Variants in UBE2E2 observed in about 807,000 individuals in gnomAD.
UBE2E2 encodes the protein ubiquitin conjugating enzyme E2 E2.
UBE2E2 carries 6 observed loss-of-function variants against 24.7 expected under a neutral mutation model. The observed-to-expected ratio is 0.24, with a 90% CI of 0.13 to 0.48. The LOEUF is 0.48. Ranked by LOEUF, UBE2E2 falls within the 20% of genes least tolerant of loss-of-function variation. The pLI, the probability that UBE2E2 is intolerant of heterozygous loss-of-function variation, is 0.99. For missense variants in UBE2E2, 169 were observed against 245.0 expected (o/e 0.69, Z 2.07); for synonymous variants, 104 against 83.6 (o/e 1.24, Z -1.33).
At chr3:23,392,432 A>C (rs1310814047) in intron 3 of UBE2E2, among the ~76,000 whole-genome samples, 1 of 152,116 alleles carries the variant, frequency 6.6e-6, no homozygotes, top group Non-Finnish European at 1.5e-5. Context: ...TGGCTCTTCT[A>C]CTTACTAGCT....
At chr3:23,213,197 C>T (rs1696377504) in intron 2 of UBE2E2, among the ~76,000 whole-genome samples, 1 of 152,072 alleles carries the variant, frequency 6.6e-6, no homozygotes, top group Non-Finnish European at 1.5e-5. Context: ...ACTTGGCTCT[C>T]AGTAAATTTT....
chr3:23,508,360 A>G (rs73139768), intron 4 of UBE2E2, among the ~76,000 whole-genome samples: 6,132 of 152,308 alleles, frequency 0.04, 422 homozygotes, highest in African/African-American at 0.14. Context: ...TTGTAAGCCA[A>G]ATTAAATATG....
At chr3:23,470,539 T>G (rs151151734) in intron 3 of UBE2E2, among the ~76,000 whole-genome samples, 2,370 of 152,316 alleles carry the variant, frequency 0.016, 31 homozygotes, top group Non-Finnish European at 0.023. Context: ...TTAAAATATC[T>G]AAGACAAAGA....
chr3:23,435,359 G>A (rs1214805515), intron 3 of UBE2E2, among the ~76,000 whole-genome samples: 4 of 152,182 alleles, frequency 2.6e-5, no homozygotes, highest in Admixed American at 2.6e-4. Flanking sequence ...AGAATAAAAA[G>A]CTTGGAGATA....
intron 5 of UBE2E2, among the ~76,000 whole-genome samples, chr3:23,556,407 C>T (rs1391554619): frequency 7.6e-6 from 1 of 131,272 alleles, no homozygotes; most frequent in Non-Finnish European, 1.5e-5. Context: ...TCCCAAAGTG[C>T]TGGGATTACA....
intron 3 of UBE2E2, among the ~76,000 whole-genome samples, chr3:23,377,901 G>A (rs1696561826): frequency 6.6e-6 from 1 of 152,094 alleles, no homozygotes; most frequent in Non-Finnish European, 1.5e-5. Context: ...ATGTACATGT[G>A]TATTGCCAAA....
chr3:23,377,624 C>T (rs1327345236), intron 3 of UBE2E2, among the ~76,000 whole-genome samples: 2 of 152,108 alleles, frequency 1.3e-5, no homozygotes, highest in East Asian at 1.9e-4. Flanking sequence ...GATCTGGCAT[C>T]GAAAATGTAG....
At chr3:23,555,415 A>G (rs902039706) in intron 5 of UBE2E2, among the ~76,000 whole-genome samples, 2 of 152,168 alleles carry the variant, frequency 1.3e-5, no homozygotes, top group African/African-American at 4.8e-5. Flanking sequence ...AACCTCGTAT[A>G]CTCTTAGTGG....
chr3:23,559,897 A>C (rs1446825456), intron 5 of UBE2E2, among the ~76,000 whole-genome samples: 1 of 152,152 alleles, frequency 6.6e-6, no homozygotes, highest in Non-Finnish European at 1.5e-5. Context: ...CTCTGTAAGT[A>C]CATACTGGAC....
intron 4 of UBE2E2, among the ~76,000 whole-genome samples, chr3:23,504,804 G>T (rs1209245556): frequency 6.6e-6 from 1 of 151,540 alleles, no homozygotes; most frequent in Non-Finnish European, 1.5e-5. Context: ...GATGCTTGAA[G>T]AATTCAGAAA....
At chr3:23,435,220 A>G (rs994719362) in intron 3 of UBE2E2, among the ~76,000 whole-genome samples, 1 of 152,222 alleles carries the variant, frequency 6.6e-6, no homozygotes, top group East Asian at 1.9e-4. Flanking sequence ...AGGTGATGGG[A>G]TAAGGATTTT....
intron 5 of UBE2E2, among the ~76,000 whole-genome samples, chr3:23,551,248 G>A (rs1254930874): frequency 1.3e-5 from 2 of 152,072 alleles, no homozygotes; most frequent in African/African-American, 4.8e-5. Flanking sequence ...AAATAAAAAT[G>A]GAAAAGACTA....
At chr3:23,338,450 G>A (rs1311954730) in intron 3 of UBE2E2, among the ~76,000 whole-genome samples, 1 of 152,154 alleles carries the variant, frequency 6.6e-6, no homozygotes, top group Non-Finnish European at 1.5e-5. Flanking sequence ...ATGTGTACAT[G>A]TATGCCTTAT....
intron 4 of UBE2E2, among the ~76,000 whole-genome samples, chr3:23,515,521 T>A (rs2125469681): frequency 6.6e-6 from 1 of 152,144 alleles, no homozygotes; most frequent in South Asian, 2.1e-4. Context: ...AAGCCCTCCC[T>A]CCTCCTTGGA....
At chr3:23,478,191 A>G (rs1177386713) in intron 3 of UBE2E2, among the ~76,000 whole-genome samples, 1 of 152,244 alleles carries the variant, frequency 6.6e-6, no homozygotes, top group African/African-American at 2.4e-5. Context: ...TCTAGTATTT[A>G]TTATGTGGCA....
chr3:23,461,971 A>G (rs754353164), intron 3 of UBE2E2, among the ~76,000 whole-genome samples: 7 of 152,156 alleles, frequency 4.6e-5, no homozygotes, highest in Non-Finnish European at 1.0e-4. Flanking sequence ...ATTTCATCCA[A>G]TTCTGGTTGC....
chr3:23,445,140 G>A (rs558931499), intron 3 of UBE2E2, among the ~76,000 whole-genome samples: 25 of 152,166 alleles, frequency 1.6e-4, no homozygotes, highest in African/African-American at 2.2e-4. Flanking sequence ...ATTGGTGAGA[G>A]GAAGCACCTT....
At position 23,303,000 on chromosome 3, in the gene UBE2E2, G is replaced by A. The variant is rs184076889; in HGVS notation, c.227+85688G>A. On this transcript the variant is annotated intron_variant, in intron 3 of 5. Transcript: ENST00000396703. ...AACCTGGTGGCACAGCAGGAGGTGA[G>A]CCAGTGAAGCTTCATGTGTATTTAC... Among the ~76,000 whole-genome samples the A allele has an allele frequency of 2.4e-3, 367 of 152,286 alleles. 4 individuals are homozygous for A. The highest frequency in any genetic ancestry group is 3.9e-3 in the Admixed American group (60 of 15,284).
intron 3 of UBE2E2, among the ~76,000 whole-genome samples, chr3:23,302,565 G>A (rs1167520674): frequency 1.3e-5 from 2 of 152,144 alleles, no homozygotes; most frequent in Non-Finnish European, 2.9e-5. Context: ...GTGCTGAATA[G>A]CTTATCATCT....
Sources: allele counts gnomAD v4.1 joint callset (sites outside exome capture counted in the v4.1 genomes callset), GRCh38; gene constraint gnomAD v4.1.1; transcripts MANE v1.5; gene names NCBI Gene and HGNC (gene_info 2026-07-23, HGNC 2026-07-21).